CAB39: variants seen among roughly 807,000 people sequenced by gnomAD.
CAB39 encodes the protein calcium-binding protein 39.
Under a neutral mutation model 40.0 loss-of-function variants are expected in CAB39, and 8 were observed. The ratio of observed to expected loss-of-function variants is 0.20; its 90% CI spans 0.12 to 0.36. The LOEUF is 0.36. Among genes scored for constraint, CAB39 ranks in the 10% least tolerant of loss-of-function variants. The probability of loss-of-function intolerance (pLI) is 1.00; values close to 1 mark genes in which losing one functional copy is unlikely to be tolerated. For synonymous variants in CAB39, 156 were observed against 141.6 expected (o/e 1.10, Z -0.72); for missense variants, 270 against 401.1 (o/e 0.67, Z 2.79).
chr2:230,786,163 CAAAAAAAAAAAAAA>C (rs369510604), intron 2 of CAB39, among the ~76,000 whole-genome samples: 8 of 72,736 alleles, frequency 1.1e-4, no homozygotes, highest in African/African-American at 2.5e-4. Context: ...GACTCTGTCT[CAAAAAAAAAAAAAA>C]AAAAAAAAAA....
chr2:230,740,995 C>G (rs966939028), intron 1 of CAB39, among the ~76,000 whole-genome samples: 10 of 152,164 alleles, frequency 6.6e-5, no homozygotes, highest in African/African-American at 2.2e-4. Flanking sequence ...GGTAGTCTGC[C>G]TGGTTAGCTG....
chr2:230,746,732 G>A (rs942097163), intron 1 of CAB39, among the ~76,000 whole-genome samples: 1 of 152,028 alleles, frequency 6.6e-6, no homozygotes, highest in East Asian at 1.9e-4. Flanking sequence ...TGGGTTTCAG[G>A]TGAAAATTTT....
At chr2:230,776,641 G>A (rs1412591240) in intron 2 of CAB39, among the ~76,000 whole-genome samples, 1 of 152,076 alleles carries the variant, frequency 6.6e-6, no homozygotes, top group Non-Finnish European at 1.5e-5. Context: ...TCATTGCTCT[G>A]GAGAAACAAG....
At chr2:230,718,078 A>G (rs998260058) in intron 1 of CAB39, among the ~76,000 whole-genome samples, 1 of 152,188 alleles carries the variant, frequency 6.6e-6, no homozygotes, top group Admixed American at 6.5e-5. Context: ...GCATGTTTCA[A>G]AGATGGGGAA....
intron 2 of CAB39, among the ~76,000 whole-genome samples, chr2:230,762,652 A>G (rs1486771616): frequency 6.6e-6 from 1 of 152,252 alleles, no homozygotes; most frequent in African/African-American, 2.4e-5. Context: ...TGTATGTCCC[A>G]TAAATTAAAA....
At chr2:230,757,547 T>C (rs1166972030) in intron 1 of CAB39, among the ~76,000 whole-genome samples, 1 of 152,192 alleles carries the variant, frequency 6.6e-6, no homozygotes, top group Non-Finnish European at 1.5e-5. Flanking sequence ...GGCTGTACTC[T>C]TTCTGCTGTA....
In CAB39 at chr2:230,712,971, G is replaced by A. The variant is rs1314715505; in HGVS notation, c.-303G>A. ...ACAGGCGAAGACTAAGGCGGCGCCGGGCCCCACAGCAGCAGCCGCAGCCCA... is the reference window on the plus strand; with the variant it reads ...ACAGGCGAAGACTAAGGCGGCGCCGAGCCCCACAGCAGCAGCCGCAGCCCA... On this transcript the variant is annotated 5_prime_UTR_variant, in exon 1 of 9. Coordinates refer to ENST00000258418, the MANE Select transcript of CAB39 (RefSeq NM_016289.4). 6.6e-6 allele frequency: 1 copy of A among 151,348 alleles called. No individual in the cohort carries two copies. Among genetic ancestry groups the A allele is most frequent in the Non-Finnish European group, 1.5e-5 (1 of 67,762 alleles). 9.4% of individuals were successfully genotyped at this position (151,348 alleles called of 1,614,324 possible).
intron 5 of CAB39, among the ~76,000 whole-genome samples, chr2:230,806,550 C>G (rs777826102): frequency 6.6e-6 from 1 of 152,174 alleles, no homozygotes; most frequent in African/African-American, 2.4e-5. Flanking sequence ...AGAACCCTGT[C>G]ATTCGAGGAG....
At chr2:230,765,558 T>G (rs1452597313) in intron 2 of CAB39, among the ~76,000 whole-genome samples, 1 of 151,614 alleles carries the variant, frequency 6.6e-6, no homozygotes, top group Non-Finnish European at 1.5e-5. Context: ...GTAGGGAAAG[T>G]CTTGTTGAGA....
intron 7 of CAB39, among the ~76,000 whole-genome samples, chr2:230,817,255 C>T (rs1445502158): frequency 1.3e-5 from 2 of 152,064 alleles, no homozygotes; most frequent in Admixed American, 6.5e-5. Context: ...TGTGATAAAA[C>T]GATAACTGTG....
At chr2:230,734,809 G>A (rs918383237) in intron 1 of CAB39, among the ~76,000 whole-genome samples, 3 of 151,952 alleles carry the variant, frequency 2.0e-5, no homozygotes, top group African/African-American at 2.4e-5. Flanking sequence ...CCACCCCGAC[G>A]AAGGAGTCAC....
In CAB39 at chr2:230,743,493, A is replaced by T. The variant is rs1694919521; in HGVS notation, c.-43-16466A>T. ...TTTTATAATTAATCTAAAGGACATTATTAAAGATAGTTTTGTGTGGAGTTA... is the reference window on the plus strand; with the variant it reads ...TTTTATAATTAATCTAAAGGACATTTTTAAAGATAGTTTTGTGTGGAGTTA... On this transcript the variant is annotated intron_variant, in intron 1 of 8. Coordinates refer to ENST00000258418, the MANE Select transcript of CAB39 (RefSeq NM_016289.4). 1.3e-5 allele frequency among the ~76,000 whole-genome samples: 2 copies of T among 152,242 alleles called. 1 individual carries two copies. Among genetic ancestry groups the T allele is most frequent in the South Asian group, 4.1e-4 (2 of 4,832 alleles).
At chr2:230,732,080 CTT>C (rs796715993) in intron 1 of CAB39, among the ~76,000 whole-genome samples, 5 of 142,192 alleles carry the variant, frequency 3.5e-5, no homozygotes, top group Admixed American at 7.1e-5. Context: ...TTATCTCTCT[CTT>C]TTTTTTTTTT....
In CAB39 at chr2:230,789,400, A is replaced by C. The variant is rs1413118740; in HGVS notation, c.115-1472A>C. ...TTTCTGTTGATTAGTTCTTCTTCTT[A>C]TTAGTCGTGTTTTCCGGTTTTGGTC... On this transcript the variant is annotated intron_variant, in intron 2 of 8. Coordinates refer to ENST00000258418, the MANE Select transcript of CAB39 (RefSeq NM_016289.4). 2.0e-5 allele frequency among the ~76,000 whole-genome samples: 3 copies of C among 152,072 alleles called. No individual in the cohort carries two copies. In the East Asian group the frequency reaches 5.8e-4, roughly 29 times the overall value.
rs1490036439 is a variant in CAB39, at chr2:230,819,678, A to G, written c.*974A>G. 6.6e-6 allele frequency: 1 copy of G among 152,404 alleles called. No individual in the cohort carries two copies. Among genetic ancestry groups the G allele is most frequent in the Non-Finnish European group, 1.5e-5 (1 of 68,038 alleles). The allele number at this position is 152,404 out of a possible 1,614,324, so 9.4% of individuals were successfully genotyped here. A position where few individuals can be genotyped will look rare whatever the true frequency, so the allele number is the denominator to read the frequency against. On this transcript the variant is annotated 3_prime_UTR_variant, in exon 9 of 9. Transcript: ENST00000258418. ...CACAGCATTAAAAGAAAAAGAAAGT[A>G]AACCAGTCCTTTGTATTCAGTTACC... is the stretch of plus-strand genomic sequence containing the variant.
At chr2:230,756,539 GT>G (rs1208092363) in intron 1 of CAB39, among the ~76,000 whole-genome samples, 6 of 152,066 alleles carry the variant, frequency 3.9e-5, no homozygotes, top group Non-Finnish European at 8.8e-5. Flanking sequence ...TTATTTCCTT[GT>G]TTTTGCCTAC....
At chr2:230,726,083 C>G (rs1314746146) in intron 1 of CAB39, among the ~76,000 whole-genome samples, 2 of 152,134 alleles carry the variant, frequency 1.3e-5, no homozygotes, top group Non-Finnish European at 2.9e-5. Context: ...TTGAGATTAT[C>G]TGAAAATATT....
At chr2:230,757,498 G>A (rs1321144191) in intron 1 of CAB39, among the ~76,000 whole-genome samples, 2 of 152,060 alleles carry the variant, frequency 1.3e-5, no homozygotes, top group Non-Finnish European at 2.9e-5. Flanking sequence ...GCCTCCCCTT[G>A]CCCACACAGA....
At chr2:230,785,655 A>C (rs1695776598) in intron 2 of CAB39, among the ~76,000 whole-genome samples, 1 of 151,968 alleles carries the variant, frequency 6.6e-6, no homozygotes, top group South Asian at 2.1e-4. Context: ...CTTTATACAG[A>C]GTCCACAATG....
Sources: gnomAD v4.1 joint callset for allele counts (sites outside exome capture counted in the v4.1 genomes callset) on GRCh38, gnomAD v4.1.1 for gene constraint, MANE v1.5 for transcripts, NCBI Gene and HGNC (gene_info 2026-07-23, HGNC 2026-07-21) for gene names.